The following FGF12 variants were observed in gnomAD, a reference collection of about 807,000 sequenced individuals.
FGF12 encodes fibroblast growth factor 12B.
In FGF12, 14 loss-of-function variants were observed where a neutral mutation model predicts 23.6. That is an observed-to-expected ratio of 0.59 (90% CI 0.39 to 0.93). FGF12 has a LOEUF of 0.93. Ranked by LOEUF, FGF12 falls within the 40% of genes least tolerant of loss-of-function variation. The probability of loss-of-function intolerance (pLI) is 0.00; values close to 1 mark genes in which losing one functional copy is unlikely to be tolerated. For missense variants in FGF12, 175 were observed against 217.8 expected (o/e 0.80, Z 1.24); for synonymous variants, 62 against 77.3 (o/e 0.80, Z 1.04).
chr3:192,501,560 G>A (rs1440535216), intron 2 of FGF12, among the ~76,000 whole-genome samples: 1 of 152,128 alleles, frequency 6.6e-6, no homozygotes, highest in African/African-American at 2.4e-5. Context: ...TAGCGTAATA[G>A]TAACTACAAA....
chr3:192,561,423 T>C (rs567193785), intron 2 of FGF12, among the ~76,000 whole-genome samples: 112 of 152,044 alleles, frequency 7.4e-4, no homozygotes, highest in South Asian at 1.7e-3. Flanking sequence ...AGTGCAGTGG[T>C]GCAATCTCAG....
chr3:192,587,628 C>A (rs1713424471), intron 2 of FGF12, among the ~76,000 whole-genome samples: 4 of 151,798 alleles, frequency 2.6e-5, no homozygotes, highest in African/African-American at 9.7e-5. Flanking sequence ...CCAGCCTGGG[C>A]ACCATAGTGA....
At chr3:192,186,938 T>C (rs534172822) in intron 4 of FGF12, among the ~76,000 whole-genome samples, 2 of 152,322 alleles carry the variant, frequency 1.3e-5, no homozygotes, top group African/African-American at 4.8e-5. Flanking sequence ...AATTCTCTTC[T>C]CCTTAGTAGA....
chr3:192,189,436 T>G lies in FGF12; in HGVS notation c.229-18780A>C, dbSNP rs541349582. On this transcript the variant is annotated intron_variant, in intron 4 of 5. Coordinates refer to ENST00000445105, the MANE Select transcript of FGF12 (RefSeq NM_004113.6). ...AGTTGACGCACCTCTCTCCTCTCTT[T>G]GCCGTCTGTTACAAACTAAACTGTG... 1.3e-5 allele frequency among the ~76,000 whole-genome samples: 2 copies of G among 152,190 alleles called. 1 individual carries two copies. Among genetic ancestry groups the G allele is most frequent in the African/African-American group, 4.8e-5 (2 of 41,450 alleles).
chr3:192,623,749 G>A (rs183028888), intron 2 of FGF12, among the ~76,000 whole-genome samples: 2 of 152,270 alleles, frequency 1.3e-5, no homozygotes, highest in Non-Finnish European at 2.9e-5. Flanking sequence ...ATCAGCCAGA[G>A]ACCAAGGAAG....
intron 4 of FGF12, among the ~76,000 whole-genome samples, chr3:192,334,971 A>G (rs1717321026): frequency 6.6e-6 from 1 of 152,138 alleles, no homozygotes; most frequent in Non-Finnish European, 1.5e-5. Flanking sequence ...TCTCCATGGT[A>G]GGACAGAGAC....
intron 4 of FGF12, among the ~76,000 whole-genome samples, chr3:192,280,111 T>A (rs746194890): frequency 1.1e-4 from 16 of 152,154 alleles, no homozygotes; most frequent in Non-Finnish European, 1.6e-4. Flanking sequence ...CCTAAATGTG[T>A]TTTTTTAAAG....
intron 2 of FGF12, among the ~76,000 whole-genome samples, chr3:192,475,610 G>A (rs554686679): frequency 1.3e-5 from 2 of 152,320 alleles, no homozygotes; most frequent in East Asian, 3.9e-4. Context: ...AAGCCAAACA[G>A]AAAAAGCCAG....
intron 2 of FGF12, among the ~76,000 whole-genome samples, chr3:192,643,200 GGATA>G (rs539816164): frequency 7.9e-4 from 121 of 152,216 alleles, no homozygotes; most frequent in African/African-American, 2.8e-3. Context: ...ATGGATGGAT[GGATA>G]GATAGATAAA....
At chr3:192,601,330 T>C (rs1183496661) in intron 2 of FGF12, among the ~76,000 whole-genome samples, 4 of 152,026 alleles carry the variant, frequency 2.6e-5, no homozygotes, top group Non-Finnish European at 5.9e-5. Context: ...TGTTAAAACA[T>C]AAAAATTACA....
intron 2 of FGF12, among the ~76,000 whole-genome samples, chr3:192,622,063 A>T (rs1714996364): frequency 6.6e-6 from 1 of 152,162 alleles, no homozygotes; most frequent in Non-Finnish European, 1.5e-5. Context: ...GCCAAGTACT[A>T]AATTTTGCTG....
At chr3:192,666,917 T>TAGATAGATA (rs137939210) in intron 2 of FGF12, among the ~76,000 whole-genome samples, 1 of 147,520 alleles carries the variant, frequency 6.8e-6, no homozygotes, top group African/African-American at 2.6e-5. Flanking sequence ...GATAGATAGA[T>TAGATAGATA]GATAGATAGA....
intron 2 of FGF12, among the ~76,000 whole-genome samples, chr3:192,518,760 G>A (rs903565379): frequency 6.6e-6 from 1 of 152,128 alleles, no homozygotes; most frequent in South Asian, 2.1e-4. Flanking sequence ...AACCATGCCT[G>A]TAGCTCTCAT....
At chr3:192,494,013 C>T (rs189200198) in intron 2 of FGF12, among the ~76,000 whole-genome samples, 5 of 152,242 alleles carry the variant, frequency 3.3e-5, no homozygotes, top group African/African-American at 9.6e-5. Flanking sequence ...CAGAACAGCA[C>T]GTACCTAGAG....
chr3:192,585,637 G>A (rs1713341142), intron 2 of FGF12, among the ~76,000 whole-genome samples: 1 of 152,028 alleles, frequency 6.6e-6, no homozygotes, highest in African/African-American at 2.4e-5. Flanking sequence ...ACTTACTGAG[G>A]AGGGGTTGCG....
At chr3:192,205,804 A>G (rs371254801) in intron 4 of FGF12, among the ~76,000 whole-genome samples, 14 of 152,326 alleles carry the variant, frequency 9.2e-5, no homozygotes, top group East Asian at 5.8e-4. Flanking sequence ...TAAGCGTGGA[A>G]GAAGATGAGA....
chr3:192,374,006 A>C (rs1271727628), intron 2 of FGF12, among the ~76,000 whole-genome samples: 1 of 152,228 alleles, frequency 6.6e-6, no homozygotes, highest in Non-Finnish European at 1.5e-5. Context: ...TTAAAAATTG[A>C]AAACAGTTTC....
intron 2 of FGF12, among the ~76,000 whole-genome samples, chr3:192,416,256 T>C (rs1244441926): frequency 6.6e-6 from 1 of 152,080 alleles, no homozygotes; most frequent in Non-Finnish European, 1.5e-5. Context: ...GAGGATCAAA[T>C]GGAAGTTTGG....
At chr3:192,538,546 G>A (rs929611957) in intron 2 of FGF12, among the ~76,000 whole-genome samples, 3 of 152,206 alleles carry the variant, frequency 2.0e-5, no homozygotes, top group Admixed American at 2.0e-4. Context: ...TTGAAGTCAA[G>A]TAATGAGATT....
Sources: gnomAD v4.1 joint callset for allele counts (sites outside exome capture counted in the v4.1 genomes callset) on GRCh38, gnomAD v4.1.1 for gene constraint, MANE v1.5 for transcripts, NCBI Gene and HGNC (gene_info 2026-07-23, HGNC 2026-07-21) for gene names.